The following ERC2 variants were observed in gnomAD, a reference collection of about 807,000 sequenced individuals.
ERC2 encodes the protein ELKS/RAB6-interacting/CAST family member 2.
A neutral mutation model predicts 114.8 loss-of-function variants in ERC2; 42 were observed. The ratio of observed to expected loss-of-function variants is 0.37; its 90% CI spans 0.29 to 0.47. The LOEUF is 0.47. Ranked by LOEUF, ERC2 falls within the 20% of genes least tolerant of loss-of-function variation. The pLI, the probability that ERC2 is intolerant of heterozygous loss-of-function variation, is 0.99. For synonymous variants in ERC2, 454 were observed against 425.5 expected, an observed-to-expected ratio of 1.07 and a Z score of -0.82; for missense variants, 939 against 1,150.7, an observed-to-expected ratio of 0.82 and a Z score of 2.66.
rs142864935 is a variant in ERC2, at chr3:55,688,341, C to A, written c.2848-4482G>T. Among the ~76,000 whole-genome samples the A allele has an allele frequency of 7.8e-3, 1,191 of 152,188 alleles. 19 individuals are homozygous for A. The highest frequency in any genetic ancestry group is 0.027 in the African/African-American group (1,134 of 41,522). The stretch of plus-strand genomic sequence containing the variant: ...CACAGGTGTCAGGAGGTTCTTTGTG[C>A]AGATATGGAAAGGAAGGCTCAGGGA... On this transcript the variant is annotated intron_variant, in intron 16 of 17. Coordinates refer to ENST00000288221, the MANE Select transcript of ERC2 (RefSeq NM_015576.3).
intron 1 of ERC2, among the ~76,000 whole-genome samples, chr3:56,440,813 A>T (rs2062265561): frequency 6.6e-6 from 1 of 152,178 alleles, no homozygotes; most frequent in African/African-American, 2.4e-5. Flanking sequence ...TCCATGTTTT[A>T]TCTTAACATC....
At chr3:56,062,563 T>TC (rs1433551979) in intron 7 of ERC2, among the ~76,000 whole-genome samples, 4 of 152,178 alleles carry the variant, frequency 2.6e-5, no homozygotes, top group Non-Finnish European at 5.9e-5. Flanking sequence ...GGCCCTTTTT[T>TC]CTCATTCTAA....
rs374689313 is a variant in ERC2 at position 55,559,665 on chromosome 3, G to A, written c.*40-48389C>T. Among the ~76,000 whole-genome samples, 18 of 152,200 alleles carry A rather than the reference G, an allele frequency of 1.2e-4. No homozygotes were observed. In the East Asian group the frequency reaches 1.9e-3, roughly 16 times the overall value. On this transcript the variant is annotated intron_variant, in intron 17 of 17. Transcript: ENST00000288221. ...ATCCCTGCAAAACTCCCCATGGAGC[G>A]GCCTCAGAGGACAACACCCTCAGTC... is the stretch of plus-strand genomic sequence containing the variant.
intron 17 of ERC2, among the ~76,000 whole-genome samples, chr3:55,620,692 C>A (rs1264359214): frequency 6.6e-6 from 1 of 152,154 alleles, no homozygotes; most frequent in African/African-American, 2.4e-5. Context: ...CTTTTACCGA[C>A]TCTGAAACAC....
At chr3:56,462,397 T>C (rs2107577884) in intron 1 of ERC2, among the ~76,000 whole-genome samples, 1 of 152,266 alleles carries the variant, frequency 6.6e-6, no homozygotes, top group East Asian at 1.9e-4. Context: ...CCCTCCACCT[T>C]CACTCGTACT....
intron 1 of ERC2, among the ~76,000 whole-genome samples, chr3:56,447,481 C>T (rs914060700): frequency 6.6e-6 from 1 of 152,118 alleles, no homozygotes; most frequent in African/African-American, 2.4e-5. Context: ...TGGAGAGATT[C>T]GGAACTTCCA....
At chr3:56,159,403 G>T (rs1450195792) in intron 4 of ERC2, among the ~76,000 whole-genome samples, 1 of 152,102 alleles carries the variant, frequency 6.6e-6, no homozygotes, top group African/African-American at 2.4e-5. Flanking sequence ...CCCCGAAGTT[G>T]TTATTCTACA....
chr3:55,550,641 C>T lies in ERC2; in HGVS notation c.*40-39365G>A, dbSNP rs148835121. 2.5e-3 allele frequency among the ~76,000 whole-genome samples: 375 copies of T among 152,210 alleles called. 2 individuals carry two copies. The highest frequency in any genetic ancestry group is 8.6e-3 in the African/African-American group (357 of 41,532). On this transcript the variant is annotated intron_variant, in intron 17 of 17. Coordinates refer to ENST00000288221, the MANE Select transcript of ERC2 (RefSeq NM_015576.3). ...GAGTCTGAGATGGTCAGTGGCTTGT[C>T]CAAGGTCACACAGCTAGTAAGAGAT...
At chr3:56,244,264 T>C (rs1270837474) in intron 3 of ERC2, among the ~76,000 whole-genome samples, 1 of 152,142 alleles carries the variant, frequency 6.6e-6, no homozygotes, top group East Asian at 1.9e-4. Context: ...CACTGCCAGT[T>C]GTATAAGAGT....
intron 2 of ERC2, among the ~76,000 whole-genome samples, chr3:56,401,437 C>A (rs1167667113): frequency 6.6e-6 from 1 of 152,110 alleles, no homozygotes; most frequent in Non-Finnish European, 1.5e-5. Flanking sequence ...GCTCTGTAAC[C>A]CAATCAATAT....
chr3:56,074,012 T>TA (rs398105889), intron 7 of ERC2, among the ~76,000 whole-genome samples: 3 of 152,182 alleles, frequency 2.0e-5, no homozygotes, highest in African/African-American at 4.8e-5. Context: ...CCTACTTTTT[T>TA]AAAATTACAT....
At chr3:56,407,121 G>C (rs1311284539) in intron 2 of ERC2, among the ~76,000 whole-genome samples, 1 of 152,160 alleles carries the variant, frequency 6.6e-6, no homozygotes, top group Non-Finnish European at 1.5e-5. Context: ...GACTATTCCA[G>C]AGGAACCCAA....
intron 14 of ERC2, among the ~76,000 whole-genome samples, chr3:55,795,436 C>G (rs1436132174): frequency 2.6e-5 from 4 of 152,188 alleles, no homozygotes; most frequent in Admixed American, 2.6e-4. Flanking sequence ...TGGGATCCTG[C>G]TGTCATAAAA....
At chr3:56,053,186 T>G (rs1310271389) in intron 7 of ERC2, among the ~76,000 whole-genome samples, 2 of 152,196 alleles carry the variant, frequency 1.3e-5, no homozygotes, top group African/African-American at 4.8e-5. Flanking sequence ...CAGGAAAGAC[T>G]GCTCAGCCCA....
intron 3 of ERC2, among the ~76,000 whole-genome samples, chr3:56,207,043 C>G (rs1449979456): frequency 6.6e-6 from 1 of 152,080 alleles, no homozygotes; most frequent in Non-Finnish European, 1.5e-5. Context: ...AGAGGTAAAG[C>G]ATTTAGAATA....
At chr3:55,854,581 G>A (rs1014853435) in intron 14 of ERC2, among the ~76,000 whole-genome samples, 1 of 152,158 alleles carries the variant, frequency 6.6e-6, no homozygotes, top group African/African-American at 2.4e-5. Flanking sequence ...CCTGATTTAA[G>A]AGTCTTCTCG....
intron 7 of ERC2, among the ~76,000 whole-genome samples, chr3:56,035,544 T>A (rs964831719): frequency 6.6e-6 from 1 of 152,218 alleles, no homozygotes; most frequent in Non-Finnish European, 1.5e-5. Context: ...TGAGAGATGT[T>A]TAAGTCATGA....
intron 17 of ERC2, among the ~76,000 whole-genome samples, chr3:55,550,910 G>A (rs977218587): frequency 6.6e-6 from 1 of 151,710 alleles, no homozygotes; most frequent in Non-Finnish European, 1.5e-5. Flanking sequence ...CAGCTACTCG[G>A]GAGGCTGAGG....
chr3:55,706,272 TC>T (rs1174681624), intron 15 of ERC2, among the ~76,000 whole-genome samples: 1 of 152,182 alleles, frequency 6.6e-6, no homozygotes, highest in Non-Finnish European at 1.5e-5. Context: ...CCTTTTCCCT[TC>T]CCTGTATCAC....
Sources: gnomAD v4.1 joint callset for allele counts (sites outside exome capture counted in the v4.1 genomes callset) on GRCh38, gnomAD v4.1.1 for gene constraint, MANE v1.5 for transcripts, NCBI Gene and HGNC (gene_info 2026-07-23, HGNC 2026-07-21) for gene names.